PAQR7: variants seen among roughly 807,000 people sequenced by gnomAD.
PAQR7 encodes membrane progestin receptor alpha.
In PAQR7, 14 loss-of-function variants were observed where a neutral mutation model predicts 24.6. The ratio of observed to expected loss-of-function variants is 0.57; its 90% CI spans 0.38 to 0.89. PAQR7 has a LOEUF of 0.89. Among genes scored for constraint, PAQR7 ranks in the 40% least tolerant of loss-of-function variants. PAQR7 has a pLI of 0.00. For synonymous variants in PAQR7, 189 were observed against 198.8 expected (o/e 0.95, Z 0.42); for missense variants, 351 against 444.0 (o/e 0.79, Z 1.88).
intron 2 of PAQR7, among the ~76,000 whole-genome samples, chr1:25,864,834 TGATCTCAAGCGA>T (rs1557464057): frequency 2.0e-5 from 3 of 151,824 alleles, no homozygotes. Context: ...TGATCAAGCT[TGATCTCAAGCGA>T]GATCCTGTCT....
Position 25,863,598 on chromosome 1 carries a change from G to T in PAQR7, c.242C>A (p.Ala81Glu). The part of the protein sequence containing the change: ...EAVNVWTHLL[A>E]ALVLLLRLAL... ...CAGCCGCAGCAGCAGTACCAGGGCC[G>T]CCAGCAGGTGGGTCCAGACATTCAC... Residue 81 changes from alanine to glutamate, a missense_variant, in exon 3 of 3, where the codon GCG (alanine) becomes GAG (glutamate). Coordinates refer to ENST00000675840, the MANE Select transcript of PAQR7 (RefSeq NM_178422.6). This position sits in a 1 kb window ranked among gnomAD's most constrained non-coding sequence, Gnocchi z 6.1. 2 of 1,614,198 alleles carry T rather than the reference G, an allele frequency of 1.2e-6. No individual in the cohort carries two copies. Among genetic ancestry groups the T allele is most frequent in the Non-Finnish European group, 1.7e-6 (2 of 1,180,038 alleles).
intron 1 of PAQR7, among the ~76,000 whole-genome samples, chr1:25,874,053 T>C (rs569630680): frequency 1.3e-5 from 2 of 152,162 alleles, no homozygotes; most frequent in Admixed American, 1.3e-4. Context: ...CCGGCTAATT[T>C]TGTATTTTTA....
intron 1 of PAQR7, among the ~76,000 whole-genome samples, chr1:25,873,221 C>T (rs893954304): frequency 6.6e-6 from 1 of 152,260 alleles, no homozygotes. Context: ...TCCCTCACAA[C>T]TCTCTGGATC....
At chr1:25,870,426 A>AGGGT (rs1230234404) in intron 2 of PAQR7, among the ~76,000 whole-genome samples, 183 bp downstream of exon 2, 1 of 152,082 alleles carries the variant, frequency 6.6e-6, no homozygotes, top group Non-Finnish European at 1.5e-5. Context: ...ATGTCACCAG[A>AGGGT]GGGTGGGGCT....
chr1:25,870,118 C>T (rs1039142806), intron 2 of PAQR7, among the ~76,000 whole-genome samples: 1 of 152,172 alleles, frequency 6.6e-6, no homozygotes, highest in Non-Finnish European at 1.5e-5. Flanking sequence ...CAAGCCTGAG[C>T]CAGCAGGATG....
intron 1 of PAQR7, among the ~76,000 whole-genome samples, chr1:25,874,181 A>T (rs1572283467): frequency 1.1e-5 from 1 of 89,590 alleles, no homozygotes; most frequent in Admixed American, 1.3e-4. Context: ...CCATGCCCAG[A>T]CTTTTTTTTT....
intron 1 of PAQR7, among the ~76,000 whole-genome samples, chr1:25,874,786 T>C (rs2048635389): frequency 6.6e-6 from 1 of 152,198 alleles, no homozygotes; most frequent in Non-Finnish European, 1.5e-5. Flanking sequence ...AGGCAAGTGC[T>C]GTGGGTTTTC....
intron 1 of PAQR7, among the ~76,000 whole-genome samples, chr1:25,871,675 A>G (rs2048606992): frequency 6.6e-6 from 1 of 152,172 alleles, no homozygotes; most frequent in Non-Finnish European, 1.5e-5. Context: ...AGGTTCCCAT[A>G]ACACCCGTGG....
rs2048639615 is a variant in PAQR7, at chr1:25,875,162, A to G, written c.-109+326T>C. On this transcript the variant is annotated intron_variant, in intron 1 of 2. Coordinates refer to ENST00000675840, the MANE Select transcript of PAQR7 (RefSeq NM_178422.6). This position sits in a 1 kb window ranked among gnomAD's most constrained non-coding sequence, Gnocchi z 5.4. Reference sequence around the variant, plus strand: ...CTCCCCTCCCCTGCTCACTGGACAAACAGGCTCTCAGGCCCCCATCCGCAT... The same window carrying G: ...CTCCCCTCCCCTGCTCACTGGACAAGCAGGCTCTCAGGCCCCCATCCGCAT... Among the ~76,000 whole-genome samples, 1 of 151,892 alleles carries G rather than the reference A, an allele frequency of 6.6e-6. No homozygotes were observed.
intron 2 of PAQR7, among the ~76,000 whole-genome samples, chr1:25,866,527 A>G (rs1207453350): frequency 6.6e-6 from 1 of 152,230 alleles, no homozygotes; most frequent in African/African-American, 2.4e-5. Context: ...AAAGATATAG[A>G]AACAAAAACA....
In PAQR7 at chr1:25,863,199, T is replaced by G; in HGVS notation, c.641A>C (p.Tyr214Ser). The G allele has an allele frequency of 6.2e-7, 1 of 1,614,236 alleles. No individual in the cohort carries two copies. Among genetic ancestry groups the G allele is most frequent in the Non-Finnish European group, 8.5e-7 (1 of 1,180,038 alleles). The change falls in exon 3 of 3, where the codon TAC becomes TCC. Residue 214 changes from tyrosine to serine, a missense_variant. Coordinates refer to ENST00000675840, the MANE Select transcript of PAQR7 (RefSeq NM_178422.6). This position sits in a 1 kb window ranked among gnomAD's most constrained non-coding sequence, Gnocchi z 6.1. ...CACCACAGGACTAATGTCCAGTGCG[T>G]AGGCCAGGACGGAGGGCACCTCCTG... ...TCQEVPSVLAYALDISPVVHR... is the reference protein window; with the variant it reads ...TCQEVPSVLASALDISPVVHR...
intron 2 of PAQR7, among the ~76,000 whole-genome samples, chr1:25,865,786 G>C (rs1320517649): frequency 6.6e-6 from 1 of 151,046 alleles, no homozygotes; most frequent in Non-Finnish European, 1.5e-5. Context: ...CAGCCTGGGC[G>C]ACAGAGTGAG....
chr1:25,866,753 G>A (rs2048560197), intron 2 of PAQR7, among the ~76,000 whole-genome samples: 1 of 152,176 alleles, frequency 6.6e-6, no homozygotes, highest in Non-Finnish European at 1.5e-5. Flanking sequence ...GTTTGTTTGA[G>A]ACAGAGTCTT....
At position 25,862,808 on chromosome 1, in the gene PAQR7, C is replaced by T. The variant is rs1338464854; in HGVS notation, c.1032G>A (p.Lys344=). 5 of 1,612,972 alleles carry T rather than the reference C, an allele frequency of 3.1e-6. No homozygotes were observed. The highest frequency in any genetic ancestry group is 4.2e-6 in the Non-Finnish European group (5 of 1,179,388). ...CAGATGCCATCCCCCTTCACTTGGT[C>T]TTCTGATCAAGTTTGCGCTGTACCA... ...SQLVQRKLDQ[K]TK Residue 344 remains lysine, a synonymous_variant, in exon 3 of 3, where the codon AAG becomes AAA. Transcript: ENST00000675840.
In PAQR7 at chr1:25,875,579, CGGGGGA is replaced by C. The variant is rs2048645385; in HGVS notation, c.-206_-201del. The stretch of plus-strand genomic sequence containing the variant: ...GCCGGGCAGCGGCCCCGCCCCAAGC[CGGGGGA>C]GGGCGGGCGGCCTCGGGCGCTCTGG... On this transcript the variant is annotated 5_prime_UTR_variant, in exon 1 of 3. Transcript: ENST00000675840. The surrounding 1 kb of genome is among the most constrained non-coding windows in gnomAD (Gnocchi z 5.4). 1.3e-5 allele frequency among the ~76,000 whole-genome samples: 2 copies of C among 151,752 alleles called. No homozygotes were observed.
intron 2 of PAQR7, among the ~76,000 whole-genome samples, chr1:25,867,912 T>A (rs1459624828): frequency 6.6e-6 from 1 of 152,230 alleles, no homozygotes; most frequent in East Asian, 1.9e-4. Flanking sequence ...AACAGGCATG[T>A]GCAGGACTCT....
At chr1:25,866,603 A>G (rs1289206481) in intron 2 of PAQR7, among the ~76,000 whole-genome samples, 1 of 152,122 alleles carries the variant, frequency 6.6e-6, no homozygotes, top group East Asian at 1.9e-4. Context: ...GGCAGACACT[A>G]TCATTATTCC....
rs111451589 is a variant in PAQR7 at position 25,865,986 on chromosome 1, C to CA, written c.-22-2126dup. 6.2e-3 allele frequency among the ~76,000 whole-genome samples: 608 copies of CA among 97,390 alleles called. 1 individual carries two copies. Among genetic ancestry groups the CA allele is most frequent in the South Asian group, 0.026 (72 of 2,794 alleles). The allele number at this position is 97,390 out of a possible 152,430, so 63.9% of individuals were successfully genotyped here. On this transcript the variant is annotated intron_variant, in intron 2 of 2. Transcript: ENST00000675840. ...GGGCAACAAGAGGGAAACTCCGTCT[C>CA]AAAAAAAAAAAAAAAGAAAAAGAAA... is the stretch of plus-strand genomic sequence containing the variant.
In PAQR7 at chr1:25,875,704, C is replaced by T. The variant is rs2048647366; in HGVS notation, c.-325G>A. On this transcript the variant is annotated 5_prime_UTR_variant, in exon 1 of 3. Transcript: ENST00000675840. This position sits in a 1 kb window ranked among gnomAD's most constrained non-coding sequence, Gnocchi z 5.4. ...TCTGCCCCGCCAGGCCCACGTGTTG[C>T]ACGCGCGGGAGAGGGGTCGGCCGCG... 6.6e-6 allele frequency among the ~76,000 whole-genome samples: 1 copy of T among 152,050 alleles called. No individual in the cohort carries two copies. The highest frequency in any genetic ancestry group is 2.4e-5 in the African/African-American group (1 of 41,422).
Sources: gnomAD v4.1 joint callset for allele counts (sites outside exome capture counted in the v4.1 genomes callset) on GRCh38, gnomAD v4.1.1 for gene constraint, Gnocchi (gnomAD v3.1) non-coding constraint, MANE v1.5 for transcripts, NCBI Gene and HGNC (gene_info 2026-07-23, HGNC 2026-07-21) for gene names.